CTNND2: variants seen among roughly 807,000 people sequenced by gnomAD.
CTNND2 encodes catenin delta 2.
Under a neutral mutation model 144.4 loss-of-function variants are expected in CTNND2, and 22 were observed. The ratio of observed to expected loss-of-function variants is 0.15; its 90% CI spans 0.11 to 0.22. The LOEUF (loss-of-function observed/expected upper bound fraction) is 0.22. CTNND2 is among the 10% of genes least tolerant of loss of function. The probability of loss-of-function intolerance (pLI) is 1.00; values close to 1 mark genes in which losing one functional copy is unlikely to be tolerated. For missense variants in CTNND2, 1,353 were observed against 1,618.8 expected (o/e 0.84, Z 2.82); for synonymous variants, 751 against 695.6 (o/e 1.08, Z -1.25).
intron 1 of CTNND2, among the ~76,000 whole-genome samples, chr5:11,752,518 G>T (rs2126788202): frequency 6.7e-6 from 1 of 149,480 alleles, no homozygotes; most frequent in South Asian, 2.1e-4. Flanking sequence ...TCTCTATTCT[G>T]TTCCACTGGT....
At chr5:11,772,494 T>C (rs1370466410) in intron 1 of CTNND2, among the ~76,000 whole-genome samples, 1 of 152,236 alleles carries the variant, frequency 6.6e-6, no homozygotes, top group Admixed American at 6.5e-5. Flanking sequence ...TGTGTATGCA[T>C]TTGTGGATTT....
chr5:11,241,694 T>C (rs1032615572), intron 9 of CTNND2, among the ~76,000 whole-genome samples: 3 of 152,348 alleles, frequency 2.0e-5, no homozygotes, highest in Non-Finnish European at 4.4e-5. Context: ...TTAGATGAGA[T>C]TCCGTTTGGT....
chr5:10,981,632 C>G (rs553820830), intron 21 of CTNND2, 141 bp downstream of exon 21: 1 of 745,590 alleles, frequency 1.3e-6, no homozygotes, highest in East Asian at 2.5e-5. Flanking sequence ...CTGCAACAGG[C>G]GTGAGGAGAG....
chr5:11,628,676 G>A (rs1019665400), intron 2 of CTNND2, among the ~76,000 whole-genome samples: 5 of 152,166 alleles, frequency 3.3e-5, no homozygotes, highest in Admixed American at 6.5e-5. Context: ...GATGTATTAC[G>A]GCCAGACTAA....
At chr5:11,419,604 G>T (rs1762207585) in intron 3 of CTNND2, among the ~76,000 whole-genome samples, 1 of 152,142 alleles carries the variant, frequency 6.6e-6, no homozygotes, top group Non-Finnish European at 1.5e-5. Flanking sequence ...AGTTCAGAGG[G>T]CATGAAATAG....
At chr5:11,088,374 G>A (rs1750403176) in intron 15 of CTNND2, among the ~76,000 whole-genome samples, 4 of 152,096 alleles carry the variant, frequency 2.6e-5, no homozygotes, top group Admixed American at 2.6e-4. Flanking sequence ...AGAGGTGCAG[G>A]CTCTGAGCCA....
intron 1 of CTNND2, among the ~76,000 whole-genome samples, chr5:11,783,701 A>G (rs1475158921): frequency 6.6e-6 from 1 of 152,174 alleles, no homozygotes; most frequent in Non-Finnish European, 1.5e-5. Context: ...CCTGTATGCA[A>G]TGGAGGAGAA....
intron 2 of CTNND2, among the ~76,000 whole-genome samples, chr5:11,691,737 T>C (rs143273858): frequency 6.6e-6 from 1 of 152,270 alleles, no homozygotes; most frequent in Non-Finnish European, 1.5e-5. Context: ...GTCCCCTCTC[T>C]ACGAAAATAT....
chr5:11,098,530 G>A (rs755915228), intron 15 of CTNND2, 45 bp downstream of exon 15: 11 of 1,523,460 alleles, frequency 7.2e-6, no homozygotes, highest in Non-Finnish European at 8.9e-6. Context: ...CTGAGGAGTT[G>A]CTCATAACTC....
chr5:11,284,733 T>C (rs564997184), intron 9 of CTNND2, among the ~76,000 whole-genome samples: 3 of 152,360 alleles, frequency 2.0e-5, no homozygotes, highest in South Asian at 4.1e-4. Context: ...TACATGTACA[T>C]GTGTCTTTAT....
At chr5:11,087,450 A>G (rs1750290259) in intron 15 of CTNND2, among the ~76,000 whole-genome samples, 1 of 152,204 alleles carries the variant, frequency 6.6e-6, no homozygotes, top group African/African-American at 2.4e-5. Context: ...CCAGCTGGAA[A>G]GGAACTGTGC....
intron 11 of CTNND2, among the ~76,000 whole-genome samples, chr5:11,165,894 A>G (rs1759275357): frequency 2.0e-5 from 3 of 152,298 alleles, no homozygotes; most frequent in Middle Eastern, 3.4e-3. Context: ...ACCCCAGATG[A>G]ACAAAAAGAA....
chr5:11,681,765 T>G lies in CTNND2; in HGVS notation c.174+50371A>C, dbSNP rs79939611. 9.3e-4 allele frequency among the ~76,000 whole-genome samples: 141 copies of G among 152,338 alleles called. 2 individuals carry two copies. Among genetic ancestry groups the G allele is most frequent in the African/African-American group, 3.1e-3 (127 of 41,586 alleles). The stretch of plus-strand genomic sequence containing the variant: ...TGTGTACTTCCTAAAACAAATTGGT[T>G]TACACCTATCAGAAAGGCTGTGCTT... On this transcript the variant is annotated intron_variant, in intron 2 of 21. Coordinates refer to ENST00000304623, the MANE Select transcript of CTNND2 (RefSeq NM_001332.4).
At position 11,478,148 on chromosome 5, in the gene CTNND2, GGATAT is replaced by G. The variant is rs199846809; in HGVS notation, c.288-66084_288-66080del. 9.4e-3 allele frequency among the ~76,000 whole-genome samples: 1,430 copies of G among 152,258 alleles called. 7 individuals are homozygous for G. The highest frequency in any genetic ancestry group is 0.016 in the South Asian group (79 of 4,810). On this transcript the variant is annotated intron_variant, in intron 3 of 21. Transcript: ENST00000304623. ...TCTTCTCTCATATATATGCATGGATGGATATAAGTATGTGTGTGTGCATATTTTTT... is the reference window on the plus strand; with the variant it reads ...TCTTCTCTCATATATATGCATGGATGAAGTATGTGTGTGTGCATATTTTTT...
chr5:11,888,472 T>G (rs1736718699), intron 1 of CTNND2, among the ~76,000 whole-genome samples: 1 of 152,162 alleles, frequency 6.6e-6, no homozygotes, highest in Non-Finnish European at 1.5e-5. Flanking sequence ...ACCTAAGAGT[T>G]GGCACATCTC....
chr5:11,075,533 G>C (rs960365454), intron 16 of CTNND2, among the ~76,000 whole-genome samples: 2 of 152,196 alleles, frequency 1.3e-5, no homozygotes, highest in Non-Finnish European at 2.9e-5. Flanking sequence ...CTCATGACAC[G>C]GAGGATAGGT....
chr5:11,564,785 G>A (rs982799245), intron 3 of CTNND2, among the ~76,000 whole-genome samples, 159 bp downstream of exon 3: 11 of 152,184 alleles, frequency 7.2e-5, no homozygotes, highest in Non-Finnish European at 5.9e-5. Context: ...GGACATTTTG[G>A]ACACCTTTTG....
intron 12 of CTNND2, among the ~76,000 whole-genome samples, chr5:11,157,695 A>C (rs1758354191): frequency 6.6e-6 from 1 of 152,236 alleles, no homozygotes; most frequent in Non-Finnish European, 1.5e-5. Context: ...TGCATACTAA[A>C]ATCTAAAGCC....
intron 11 of CTNND2, among the ~76,000 whole-genome samples, chr5:11,190,977 G>C (rs905605714): frequency 1.3e-5 from 2 of 152,176 alleles, no homozygotes; most frequent in Non-Finnish European, 2.9e-5. Context: ...TCCAACTTAG[G>C]AAGCAGGTTC....
Sources: gnomAD v4.1 joint callset for allele counts (sites outside exome capture counted in the v4.1 genomes callset) on GRCh38, gnomAD v4.1.1 for gene constraint, MANE v1.5 for transcripts, NCBI Gene and HGNC (gene_info 2026-07-23, HGNC 2026-07-21) for gene names.